SEMA5A: variants seen among roughly 807,000 people sequenced by gnomAD.
SEMA5A encodes semaphorin-5A.
SEMA5A carries 55 observed loss-of-function variants against 135.5 expected under a neutral mutation model. The observed-to-expected ratio is 0.41, with a 90% CI of 0.33 to 0.51. The LOEUF is 0.51. SEMA5A is among the 20% of genes least tolerant of loss of function. The pLI, the probability that SEMA5A is intolerant of heterozygous loss-of-function variation, is 0.37. For missense variants in SEMA5A, 1,290 were observed against 1,419.9 expected, an observed-to-expected ratio of 0.91 and a Z score of 1.47; for synonymous variants, 580 against 546.5, an observed-to-expected ratio of 1.06 and a Z score of -0.85.
At chr5:9,400,199 C>T (rs905121825) in intron 2 of SEMA5A, among the ~76,000 whole-genome samples, 2 of 152,166 alleles carry the variant, frequency 1.3e-5, no homozygotes, top group Middle Eastern at 3.4e-3. Flanking sequence ...AAGACAAATA[C>T]CTAATGCATG....
intron 4 of SEMA5A, among the ~76,000 whole-genome samples, chr5:9,322,110 A>C (rs1389213869): frequency 1.3e-5 from 2 of 152,172 alleles, no homozygotes. Context: ...TTTCCATAGA[A>C]GAAGATAATG....
intron 2 of SEMA5A, among the ~76,000 whole-genome samples, chr5:9,430,492 T>A (rs1437305226): frequency 6.6e-6 from 1 of 152,160 alleles, no homozygotes; most frequent in Admixed American, 6.5e-5. Flanking sequence ...GTCCAGACAC[T>A]GAACCTTATG....
chr5:9,543,713 G>T (rs1738218231), intron 1 of SEMA5A, among the ~76,000 whole-genome samples: 1 of 152,066 alleles, frequency 6.6e-6, no homozygotes, highest in South Asian at 2.1e-4. Flanking sequence ...TAGTGTGACT[G>T]CATGGAGCAA....
intron 18 of SEMA5A, among the ~76,000 whole-genome samples, chr5:9,056,431 A>G (rs967690859): frequency 1.3e-5 from 2 of 152,230 alleles, no homozygotes; most frequent in African/African-American, 4.8e-5. Context: ...TCAAAAAATT[A>G]AAAACAGAGG....
chr5:9,274,117 T>C (rs376949534), intron 5 of SEMA5A, among the ~76,000 whole-genome samples: 2 of 152,054 alleles, frequency 1.3e-5, no homozygotes, highest in African/African-American at 4.8e-5. Flanking sequence ...AAGACACACA[T>C]AGGCTCAAAA....
intron 1 of SEMA5A, among the ~76,000 whole-genome samples, chr5:9,483,166 T>A (rs1759940733): frequency 6.6e-6 from 1 of 152,174 alleles, no homozygotes; most frequent in Admixed American, 6.5e-5. Flanking sequence ...TTCATTCTCC[T>A]TCTACCACTC....
intron 11 of SEMA5A, among the ~76,000 whole-genome samples, chr5:9,162,121 G>A (rs1289851867): frequency 1.3e-5 from 2 of 152,186 alleles, no homozygotes; most frequent in Non-Finnish European, 2.9e-5. Flanking sequence ...TGTTTGCTTT[G>A]TAGAGTTTTC....
At chr5:9,188,510 C>T (rs1330040139) in intron 11 of SEMA5A, among the ~76,000 whole-genome samples, 4 of 152,176 alleles carry the variant, frequency 2.6e-5, no homozygotes, top group South Asian at 2.1e-4. Context: ...GGCTGCTCTT[C>T]ACTGACCCAT....
chr5:9,257,280 A>G (rs1749122698), intron 5 of SEMA5A, among the ~76,000 whole-genome samples: 1 of 152,236 alleles, frequency 6.6e-6, no homozygotes, highest in Admixed American at 6.5e-5. Context: ...ACCTTCTCAC[A>G]GCGTCTTGTA....
chr5:9,431,692 C>A (rs183327463), intron 2 of SEMA5A, among the ~76,000 whole-genome samples: 2 of 152,190 alleles, frequency 1.3e-5, no homozygotes, highest in Admixed American at 1.3e-4. Flanking sequence ...CGTTTTTATG[C>A]CCTCAGGAAA....
chr5:9,382,683 T>C (rs1755667989), intron 2 of SEMA5A, among the ~76,000 whole-genome samples: 1 of 152,120 alleles, frequency 6.6e-6, no homozygotes, highest in African/African-American at 2.4e-5. Flanking sequence ...TCTCACCCAC[T>C]CAATATTTAC....
chr5:9,317,366 T>C (rs540361229), intron 5 of SEMA5A, among the ~76,000 whole-genome samples: 2 of 152,298 alleles, frequency 1.3e-5, no homozygotes, highest in South Asian at 2.1e-4. Context: ...TGGCAGTGAT[T>C]TGTGACCATT....
At chr5:9,048,058 A>C (rs1736366633) in intron 21 of SEMA5A, among the ~76,000 whole-genome samples, 1 of 152,150 alleles carries the variant, frequency 6.6e-6, no homozygotes, top group Non-Finnish European at 1.5e-5. Context: ...CAGGCTCTGC[A>C]TGGCCTCCCT....
At chr5:9,461,616 GA>G (rs1456114667) in intron 1 of SEMA5A, among the ~76,000 whole-genome samples, 1 of 152,078 alleles carries the variant, frequency 6.6e-6, no homozygotes, top group Non-Finnish European at 1.5e-5. Flanking sequence ...CACCTGCTCA[GA>G]AACACCACCG....
At chr5:9,359,939 C>G (rs899106432) in intron 3 of SEMA5A, among the ~76,000 whole-genome samples, 1 of 152,144 alleles carries the variant, frequency 6.6e-6, no homozygotes, top group African/African-American at 2.4e-5. Flanking sequence ...GCTGATTCTC[C>G]TAAGGTTGTC....
In SEMA5A at chr5:9,248,556, C is replaced by A. The variant is rs368360584; in HGVS notation, c.271-10666G>T. Among the ~76,000 whole-genome samples, 586 of 143,890 alleles carry A rather than the reference C, an allele frequency of 4.1e-3. 8 individuals carry two copies. The highest frequency in any genetic ancestry group is 0.012 in the African/African-American group (483 of 39,016). The allele number at this position is 143,890 out of a possible 152,430, so 94.4% of individuals were successfully genotyped here. ...CAACCTGTGAAGTTAACTCATACGG[C>A]AAAAAAAAAAAAGAAAAAAGAAAAG... On this transcript the variant is annotated intron_variant, in intron 5 of 22. Transcript: ENST00000382496.
chr5:9,490,652 G>T (rs143719503), intron 1 of SEMA5A, among the ~76,000 whole-genome samples: 3 of 152,174 alleles, frequency 2.0e-5, no homozygotes, highest in African/African-American at 7.2e-5. Context: ...GGTCTGCAAA[G>T]CTCCAACACT....
intron 2 of SEMA5A, among the ~76,000 whole-genome samples, chr5:9,408,767 G>T (rs1022566395): frequency 6.6e-5 from 10 of 152,100 alleles, no homozygotes; most frequent in African/African-American, 1.9e-4. Flanking sequence ...GTCTCACCAT[G>T]ATCTCTGAAC....
intron 5 of SEMA5A, among the ~76,000 whole-genome samples, chr5:9,316,742 TC>T (rs1194444745): frequency 1.3e-5 from 2 of 152,156 alleles, no homozygotes; most frequent in African/African-American, 4.8e-5. Context: ...AATGGCTAAA[TC>T]AAGCTAATTA....
Sources: allele counts gnomAD v4.1 joint callset (sites outside exome capture counted in the v4.1 genomes callset), GRCh38; gene constraint gnomAD v4.1.1; transcripts MANE v1.5; gene names NCBI Gene and HGNC (gene_info 2026-07-23, HGNC 2026-07-21).